PHF21A: variants seen among roughly 807,000 people sequenced by gnomAD.
PHF21A encodes PHD finger protein 21A.
In PHF21A, 11 loss-of-function variants were observed where a neutral mutation model predicts 82.5. The observed-to-expected ratio is 0.13, with a 90% CI of 0.08 to 0.22. PHF21A has a LOEUF of 0.22. PHF21A is among the 10% of genes least tolerant of loss of function. PHF21A has a pLI of 1.00. For synonymous variants in PHF21A, 297 were observed against 302.8 expected (o/e 0.98, Z 0.20); for missense variants, 579 against 837.8 (o/e 0.69, Z 3.81).
chr11:46,109,772 A>G (rs1197903111), intron 1 of PHF21A, among the ~76,000 whole-genome samples: 1 of 152,148 alleles, frequency 6.6e-6, no homozygotes, highest in Non-Finnish European at 1.5e-5. Context: ...ACTTGAGATC[A>G]GGAGTTAGAG....
chr11:46,084,458 T>C (rs539543268), intron 3 of PHF21A, among the ~76,000 whole-genome samples, 156 bp from the exon 4 acceptor site: 4 of 152,266 alleles, frequency 2.6e-5, no homozygotes, highest in African/African-American at 9.6e-5. Flanking sequence ...ATTCTTCAAG[T>C]ATTCCTCTAA....
At chr11:46,103,855 C>T (rs1011431661) in intron 1 of PHF21A, among the ~76,000 whole-genome samples, 1 of 152,174 alleles carries the variant, frequency 6.6e-6, no homozygotes, top group African/African-American at 2.4e-5. Flanking sequence ...CCCCTTACCT[C>T]ATTTACTGGT....
rs2096759991 is a variant in PHF21A at position 46,079,024 on chromosome 11, G to T, written c.87+110C>A. 9 of 616,742 alleles carry T rather than the reference G, an allele frequency of 1.5e-5. No homozygotes were observed. The South Asian group carries it at 2.3e-4, about 16-fold the overall frequency. 38.2% of individuals were successfully genotyped at this position (616,742 alleles called of 1,614,324 possible). ...ATTAAAAATAATTGCTATTAGAAATGAAATAATTCTTAAAAGTTAAGTACC... is the reference window on the plus strand; with the variant it reads ...ATTAAAAATAATTGCTATTAGAAATTAAATAATTCTTAAAAGTTAAGTACC... On this transcript the variant is annotated intron_variant, in intron 5 of 18. Coordinates refer to ENST00000676320, the MANE Select transcript of PHF21A (RefSeq NM_001352027.3).
At chr11:46,095,136 A>G (rs2096977800) in intron 1 of PHF21A, among the ~76,000 whole-genome samples, 1 of 152,216 alleles carries the variant, frequency 6.6e-6, no homozygotes, top group Non-Finnish European at 1.5e-5. Flanking sequence ...CAGAAATCCC[A>G]AAGTGTTTCT....
rs2092081326 is a variant in PHF21A at position 45,951,320 on chromosome 11, A to G, written c.1096-1063T>C. Among the ~76,000 whole-genome samples the G allele has an allele frequency of 2.0e-5, 3 of 152,248 alleles. 1 individual carries two copies. In the South Asian group the frequency reaches 6.2e-4, roughly 31 times the overall value. On this transcript the variant is annotated intron_variant, in intron 11 of 18. Transcript: ENST00000676320. ...GACATCTTATCCTCGATATTATCCT[A>G]CTTTGGCCTGAAGTGATAGGTTCAG...
chr11:45,981,516 T>C (rs758826006), intron 6 of PHF21A, among the ~76,000 whole-genome samples: 6 of 151,928 alleles, frequency 3.9e-5, no homozygotes, highest in Non-Finnish European at 8.8e-5. Flanking sequence ...ATAATAACTA[T>C]TTGGGGCCAT....
Position 45,930,971 on chromosome 11 carries a change from C to T in PHF21A, c.*2997G>A, listed in dbSNP as rs1395576010. On this transcript the variant is annotated 3_prime_UTR_variant, in exon 19 of 19. Coordinates refer to ENST00000676320, the MANE Select transcript of PHF21A (RefSeq NM_001352027.3). ...GACAGGGAGATTGGGTGCCAGGGGC[C>T]TCTTCTTTACAGTAAAGCAGTGTTT... 7.0e-6 allele frequency: 1 copy of T among 143,822 alleles called. No homozygotes were observed. Among genetic ancestry groups the T allele is most frequent in the African/African-American group, 2.5e-5 (1 of 39,406 alleles). The allele number at this position is 143,822 out of a possible 1,614,324, so 8.9% of individuals were successfully genotyped here.
intron 4 of PHF21A, 71 bp from the exon 5 acceptor site, chr11:46,079,237 C>CA: frequency 1.8e-6 from 2 of 1,090,334 alleles, no homozygotes; most frequent in South Asian, 1.5e-5. Flanking sequence ...AGGTTTGGAC[C>CA]AAAAAATCTA....
intron 6 of PHF21A, among the ~76,000 whole-genome samples, chr11:46,061,397 G>A (rs1429676072): frequency 1.3e-5 from 2 of 152,112 alleles, no homozygotes; most frequent in Non-Finnish European, 2.9e-5. Context: ...AATTGCTTTG[G>A]ACGTTATTGC....
chr11:46,040,179 C>A (rs1004448463), intron 6 of PHF21A, among the ~76,000 whole-genome samples: 3 of 152,140 alleles, frequency 2.0e-5, no homozygotes, highest in Non-Finnish European at 4.4e-5. Context: ...TTTCACTCTA[C>A]TATTATACTT....
intron 6 of PHF21A, among the ~76,000 whole-genome samples, chr11:46,035,285 C>G (rs1282907604): frequency 6.6e-6 from 1 of 152,166 alleles, no homozygotes; most frequent in Non-Finnish European, 1.5e-5. Flanking sequence ...CTCTACTGAT[C>G]TGAAATATTA....
chr11:45,949,004 G>A, intron 13 of PHF21A, 58 bp from the exon 14 acceptor site: 1 of 1,325,534 alleles, frequency 7.5e-7, no homozygotes. Flanking sequence ...TACTAATACT[G>A]GCACAAGCTA....
intron 7 of PHF21A, among the ~76,000 whole-genome samples, chr11:45,977,709 G>A (rs1419658253): frequency 6.6e-6 from 1 of 152,216 alleles, no homozygotes; most frequent in Non-Finnish European, 1.5e-5. Flanking sequence ...TTTCCAAATA[G>A]CCTTGGGGTG....
At chr11:46,118,111 A>G (rs1851880925) in intron 1 of PHF21A, 1 of 152,124 alleles carries the variant, frequency 6.6e-6, no homozygotes. Context: ...CTCCTTCCAG[A>G]AGACTGAATA....
At chr11:46,103,233 A>G (rs979735321) in intron 1 of PHF21A, among the ~76,000 whole-genome samples, 1 of 152,262 alleles carries the variant, frequency 6.6e-6, no homozygotes, top group Non-Finnish European at 1.5e-5. Context: ...AAAATGAAAT[A>G]TACTTCTAAA....
At chr11:45,950,314 T>C (rs1024315286) in intron 11 of PHF21A, 57 bp from the exon 12 acceptor site, 104 of 1,491,206 alleles carry the variant, frequency 7.0e-5, no homozygotes, top group Middle Eastern at 1.7e-4. Context: ...ACAAAGCCAA[T>C]TGCCAGTTCC....
At chr11:45,970,017 C>A in intron 8 of PHF21A, 113 bp from the exon 9 acceptor site, 1 of 775,008 alleles carries the variant, frequency 1.3e-6, no homozygotes, top group South Asian at 1.5e-5. Context: ...TACAAGCTTT[C>A]ATCGTAAGTT....
intron 5 of PHF21A, among the ~76,000 whole-genome samples, chr11:46,078,830 G>C (rs996387906): frequency 5.3e-5 from 8 of 151,760 alleles, no homozygotes; most frequent in African/African-American, 1.9e-4. Context: ...TGAATAAGTG[G>C]GTTCATGGAA....
At chr11:46,003,728 G>T (rs1240249101) in intron 6 of PHF21A, among the ~76,000 whole-genome samples, 1 of 152,164 alleles carries the variant, frequency 6.6e-6, no homozygotes, top group East Asian at 1.9e-4. Flanking sequence ...ATTTTAATTT[G>T]AAAAGTACTG....
Sources: gnomAD v4.1 joint callset for allele counts (sites outside exome capture counted in the v4.1 genomes callset) on GRCh38, gnomAD v4.1.1 for gene constraint, MANE v1.5 for transcripts, NCBI Gene and HGNC (gene_info 2026-07-23, HGNC 2026-07-21) for gene names.